Variants in NEK1 observed in about 807,000 individuals in gnomAD.
NEK1 encodes NIMA related kinase 1.
A neutral mutation model predicts 182.1 loss-of-function variants in NEK1; 137 were observed. The observed-to-expected ratio is 0.75, with a 90% CI of 0.65 to 0.87. NEK1 has a LOEUF of 0.87. Ranked by LOEUF, NEK1 falls within the 40% of genes least tolerant of loss-of-function variation. The pLI, the probability that NEK1 is intolerant of heterozygous loss-of-function variation, is 0.00. For missense variants in NEK1, 1,391 were observed against 1,494.4 expected, an observed-to-expected ratio of 0.93 and a Z score of 1.14; for synonymous variants, 513 against 492.2, an observed-to-expected ratio of 1.04 and a Z score of -0.56.
intron 11 of NEK1, 50 bp from the exon 12 acceptor site, chr4:169,577,129 CT>C: frequency 6.4e-7 from 1 of 1,564,084 alleles, no homozygotes. Flanking sequence ...TACATTAACT[CT>C]TTACTTTCAG....
At chr4:169,499,314 T>A (rs1347968046) in intron 23 of NEK1, among the ~76,000 whole-genome samples, 1 of 150,746 alleles carries the variant, frequency 6.6e-6, no homozygotes, top group African/African-American at 2.5e-5. Flanking sequence ...AATTTTTTTT[T>A]CAAGGTTTTT....
chr4:169,441,794 T>A (rs1166046126), intron 27 of NEK1, among the ~76,000 whole-genome samples: 1 of 152,092 alleles, frequency 6.6e-6, no homozygotes, highest in African/African-American at 2.4e-5. Flanking sequence ...CAACCAGTCC[T>A]GCCCAACATA....
At chr4:169,425,454 A>G (rs1736225562) in intron 30 of NEK1, among the ~76,000 whole-genome samples, 1 of 152,032 alleles carries the variant, frequency 6.6e-6, no homozygotes, top group Non-Finnish European at 1.5e-5. Flanking sequence ...AAAAAAAAAA[A>G]AGACATAAAT....
At chr4:169,429,107 C>T (rs1736952448) in intron 29 of NEK1, among the ~76,000 whole-genome samples, 1 of 151,900 alleles carries the variant, frequency 6.6e-6, no homozygotes, top group Admixed American at 6.6e-5. Context: ...AGAGGGCTGG[C>T]TTTTCATATA....
chr4:169,578,043 A>G (rs1210074628), intron 11 of NEK1, among the ~76,000 whole-genome samples: 2 of 152,120 alleles, frequency 1.3e-5, no homozygotes, highest in Non-Finnish European at 2.9e-5. Flanking sequence ...CTATATTAAG[A>G]ATATTATTTA....
intron 19 of NEK1, among the ~76,000 whole-genome samples, chr4:169,513,756 G>T (rs577299272): frequency 1.3e-5 from 2 of 152,080 alleles, no homozygotes; most frequent in South Asian, 4.2e-4. Flanking sequence ...TGTGCTGACA[G>T]TTATTATTTT....
Position 169,428,351 on chromosome 4 carries a change from GAT to G in NEK1, c.2886-2119_2886-2118del, listed in dbSNP as rs60550267. 6.9e-4 allele frequency among the ~76,000 whole-genome samples: 64 copies of G among 93,232 alleles called. 2 individuals are homozygous for G. The highest frequency in any genetic ancestry group is 0.015 in the Middle Eastern group (2 of 134). 61.2% of individuals were successfully genotyped at this position (93,232 alleles called of 152,430 possible). On this transcript the variant is annotated intron_variant, in intron 29 of 35. Transcript: ENST00000507142. ...ACTGATGAATTATAAAAATATATGG[GAT>G]ATATATATATATATATATAATGGAA...
intron 23 of NEK1, among the ~76,000 whole-genome samples, chr4:169,481,224 G>C (rs1178867258): frequency 6.6e-6 from 1 of 152,106 alleles, no homozygotes; most frequent in Non-Finnish European, 1.5e-5. Context: ...CTGAAATCTT[G>C]AAGAATGGAG....
intron 35 of NEK1, among the ~76,000 whole-genome samples, chr4:169,399,506 G>T (rs1731277445): frequency 1.3e-5 from 2 of 152,010 alleles, no homozygotes; most frequent in South Asian, 4.1e-4. Flanking sequence ...GAGCCCAGGG[G>T]GTGGAGGTTG....
At chr4:169,485,550 C>A (rs1052636339) in intron 23 of NEK1, among the ~76,000 whole-genome samples, 1 of 152,014 alleles carries the variant, frequency 6.6e-6, no homozygotes, top group African/African-American at 2.4e-5. Flanking sequence ...TTACACTAAG[C>A]CTTTTATACG....
intron 23 of NEK1, among the ~76,000 whole-genome samples, chr4:169,499,148 C>A (rs1432534238): frequency 6.6e-6 from 1 of 152,132 alleles, no homozygotes; most frequent in African/African-American, 2.4e-5. Flanking sequence ...TCATTTCATT[C>A]ATTTGATCTT....
intron 12 of NEK1, 114 bp downstream of exon 12, chr4:169,576,814 C>G (rs1319074388): frequency 1.9e-6 from 2 of 1,042,990 alleles, no homozygotes; most frequent in East Asian, 2.7e-5. Context: ...GGAGGACATT[C>G]CTTGGTAACT....
At chr4:169,604,189 G>A (rs1770962354) in intron 2 of NEK1, among the ~76,000 whole-genome samples, 1 of 152,058 alleles carries the variant, frequency 6.6e-6, no homozygotes, top group Non-Finnish European at 1.5e-5. Flanking sequence ...ATAAACAAAT[G>A]TATTAATCTT....
chr4:169,597,299 G>T (rs143148168), intron 5 of NEK1, among the ~76,000 whole-genome samples: 7 of 152,180 alleles, frequency 4.6e-5, no homozygotes, highest in African/African-American at 1.7e-4. Flanking sequence ...GATAAGTAGA[G>T]CAAGAACTCA....
intron 12 of NEK1, among the ~76,000 whole-genome samples, chr4:169,566,933 G>A (rs906575288): frequency 2.0e-4 from 30 of 151,862 alleles, no homozygotes; most frequent in Non-Finnish European, 1.2e-4. Flanking sequence ...GCAAGACCCC[G>A]TCTCTACAAA....
Position 169,463,202 on chromosome 4 carries a change from A to G in NEK1, c.2587+41T>C, listed in dbSNP as rs780502622. The G allele has an allele frequency of 1.2e-5, 13 of 1,105,140 alleles. No individual in the cohort carries two copies. In the Admixed American group the frequency reaches 3.2e-4, roughly 27 times the overall value. 68.5% of individuals were successfully genotyped at this position (1,105,140 alleles called of 1,614,324 possible). ...AAAATACATAATTAGATTTTTAATA[A>G]TATTACTTCTAGTATAGAAAAACTA... is the stretch of plus-strand genomic sequence containing the variant. On this transcript the variant is annotated intron_variant, in intron 27 of 35. Coordinates refer to ENST00000507142, the MANE Select transcript of NEK1 (RefSeq NM_001199397.3).
chr4:169,396,790 G>A (rs971007299), intron 35 of NEK1, among the ~76,000 whole-genome samples: 3 of 152,190 alleles, frequency 2.0e-5, no homozygotes, highest in East Asian at 1.9e-4. Context: ...TCGGGTGAGC[G>A]AGATAAAATT....
chr4:169,512,773 T>C (rs1436156345), intron 19 of NEK1, among the ~76,000 whole-genome samples: 1 of 152,114 alleles, frequency 6.6e-6, no homozygotes, highest in East Asian at 1.9e-4. Flanking sequence ...GTAATTATTT[T>C]ATATGGTTTG....
intron 19 of NEK1, among the ~76,000 whole-genome samples, chr4:169,534,782 T>C (rs978263729): frequency 2.6e-5 from 4 of 151,998 alleles, no homozygotes; most frequent in African/African-American, 9.7e-5. Flanking sequence ...AGTCCACAAA[T>C]ATTTATAAAA....
Sources: allele counts gnomAD v4.1 joint callset (sites outside exome capture counted in the v4.1 genomes callset), GRCh38; gene constraint gnomAD v4.1.1; transcripts MANE v1.5; gene names NCBI Gene and HGNC (gene_info 2026-07-23, HGNC 2026-07-21).